The following TNKS variants were observed in gnomAD, a reference collection of about 807,000 sequenced individuals.
TNKS encodes poly [ADP-ribose] polymerase tankyrase-1.
In TNKS, 72 loss-of-function variants were observed where a neutral mutation model predicts 135.8. That is an observed-to-expected ratio of 0.53 (90% CI 0.44 to 0.64). TNKS has a LOEUF of 0.64. Ranked by LOEUF, TNKS falls within the 30% of genes least tolerant of loss-of-function variation. The pLI, the probability that TNKS is intolerant of heterozygous loss-of-function variation, is 0.00. For missense variants in TNKS, 1,769 were observed against 1,674.0 expected, an observed-to-expected ratio of 1.06 and a Z score of -0.99; for synonymous variants, 849 against 649.3, an observed-to-expected ratio of 1.31 and a Z score of -4.68.
intron 17 of TNKS, among the ~76,000 whole-genome samples, chr8:9,746,070 C>T (rs1319528244): frequency 6.6e-6 from 1 of 152,086 alleles, no homozygotes; most frequent in Non-Finnish European, 1.5e-5. Flanking sequence ...GGTAGTCGAG[C>T]AGCAGCATGA....
intron 3 of TNKS, among the ~76,000 whole-genome samples, chr8:9,631,118 AT>A: frequency 6.6e-6 from 1 of 152,342 alleles, no homozygotes; most frequent in East Asian, 1.9e-4. Flanking sequence ...GAAGCCTCAT[AT>A]CTACAAATGT....
chr8:9,649,054 A>G (rs1036302767), intron 3 of TNKS, among the ~76,000 whole-genome samples: 1 of 152,224 alleles, frequency 6.6e-6, no homozygotes, highest in Non-Finnish European at 1.5e-5. Flanking sequence ...AAATTGCTGA[A>G]TGAAATTGTT....
intron 2 of TNKS, among the ~76,000 whole-genome samples, chr8:9,606,824 T>C (rs1488345664): frequency 2.0e-5 from 3 of 152,164 alleles, no homozygotes; most frequent in Admixed American, 1.3e-4. Flanking sequence ...TTTATTCTTG[T>C]TTTAGCAGAT....
chr8:9,619,633 T>A (rs1799787650), intron 3 of TNKS, among the ~76,000 whole-genome samples: 2 of 152,144 alleles, frequency 1.3e-5, no homozygotes, highest in Admixed American at 1.3e-4. Flanking sequence ...TTCATTGCAC[T>A]TCTGTGGAAA....
intron 3 of TNKS, among the ~76,000 whole-genome samples, chr8:9,658,987 A>T (rs1435128177): frequency 6.6e-6 from 1 of 152,224 alleles, no homozygotes; most frequent in Non-Finnish European, 1.5e-5. Flanking sequence ...AGAGACAAAG[A>T]AGGCCCTTAC....
At chr8:9,569,172 A>C (rs1339465979) in intron 1 of TNKS, among the ~76,000 whole-genome samples, 1 of 152,178 alleles carries the variant, frequency 6.6e-6, no homozygotes, top group Non-Finnish European at 1.5e-5. Flanking sequence ...TATCATTGGG[A>C]ACAAATACCG....
chr8:9,673,373 C>T (rs1802390136), intron 3 of TNKS, among the ~76,000 whole-genome samples: 1 of 150,246 alleles, frequency 6.7e-6, no homozygotes, highest in South Asian at 2.1e-4. Flanking sequence ...AATTTTATGA[C>T]ATAAAATTAT....
At position 9,616,893 on chromosome 8, in the gene TNKS, C is replaced by G. The variant is rs892847903; in HGVS notation, c.994+1216C>G. Among the ~76,000 whole-genome samples, 4 of 152,196 alleles carry G rather than the reference C, an allele frequency of 2.6e-5. No individual in the cohort carries two copies. The East Asian group carries it at 7.7e-4, about 29-fold the overall frequency. ...CCTCGGGCCTGCTCAGATTCTACAG[C>G]CTTTCAGTCTCTTAACAAAGCCCTG... On this transcript the variant is annotated intron_variant, in intron 3 of 26. Coordinates refer to ENST00000310430, the MANE Select transcript of TNKS (RefSeq NM_003747.3).
At chr8:9,605,926 A>G (rs1799199947) in intron 2 of TNKS, among the ~76,000 whole-genome samples, 1 of 152,010 alleles carries the variant, frequency 6.6e-6, no homozygotes, top group Non-Finnish European at 1.5e-5. Context: ...ACTTTTGAAG[A>G]ACAGAAGTTC....
chr8:9,718,180 T>G (rs566034813), intron 11 of TNKS, among the ~76,000 whole-genome samples: 1 of 152,296 alleles, frequency 6.6e-6, no homozygotes, highest in South Asian at 2.1e-4. Context: ...TTTTTTTAAT[T>G]GTTGACTTTC....
At chr8:9,728,316 G>C (rs1352363378) in intron 13 of TNKS, among the ~76,000 whole-genome samples, 1 of 152,180 alleles carries the variant, frequency 6.6e-6, no homozygotes, top group Non-Finnish European at 1.5e-5. Flanking sequence ...GCTGCCTGCT[G>C]AATAAAGCAT....
Position 9,734,140 on chromosome 8 carries a change from A to G in TNKS, c.2313+696A>G, listed in dbSNP as rs146424055. Among the ~76,000 whole-genome samples, 441 of 152,284 alleles carry G rather than the reference A, an allele frequency of 2.9e-3. 3 individuals carry two copies. The highest frequency in any genetic ancestry group is 0.01 in the African/African-American group (419 of 41,566). ...CATTCTTATGAATCTTGAGAAAAAC[A>G]CAATATCTGATACTCATTTTTATTA... On this transcript the variant is annotated intron_variant, in intron 15 of 26. Coordinates refer to ENST00000310430, the MANE Select transcript of TNKS (RefSeq NM_003747.3).
intron 5 of TNKS, among the ~76,000 whole-genome samples, chr8:9,683,151 T>C (rs528841691): frequency 1.3e-5 from 2 of 152,164 alleles, no homozygotes; most frequent in African/African-American, 4.8e-5. Flanking sequence ...AGAGTAATTC[T>C]TATTAAATGT....
chr8:9,570,907 T>C (rs1797730663), intron 1 of TNKS, among the ~76,000 whole-genome samples: 1 of 152,168 alleles, frequency 6.6e-6, no homozygotes, highest in South Asian at 2.1e-4. Context: ...AAGTCAAGTT[T>C]GCAGTGAGCT....
chr8:9,624,272 C>T (rs1260329994), intron 3 of TNKS, among the ~76,000 whole-genome samples: 1 of 152,204 alleles, frequency 6.6e-6, no homozygotes, highest in African/African-American at 2.4e-5. Context: ...ACTTCAGCTA[C>T]AACCAAATTG....
At chr8:9,590,978 A>G (rs909438146) in intron 2 of TNKS, among the ~76,000 whole-genome samples, 2 of 152,186 alleles carry the variant, frequency 1.3e-5, no homozygotes, top group African/African-American at 2.4e-5. Flanking sequence ...CTGAGAATCC[A>G]TTGTCGAACC....
intron 2 of TNKS, among the ~76,000 whole-genome samples, chr8:9,614,717 T>G (rs1799576582): frequency 6.6e-6 from 1 of 152,216 alleles, no homozygotes; most frequent in African/African-American, 2.4e-5. Flanking sequence ...TTCATTGATT[T>G]AATCATTGTT....
At chr8:9,717,171 G>C (rs979399474) in intron 11 of TNKS, among the ~76,000 whole-genome samples, 1 of 144,254 alleles carries the variant, frequency 6.9e-6, no homozygotes, top group Non-Finnish European at 1.5e-5. Context: ...CTCAAGTTCA[G>C]CTAGCAAATA....
At chr8:9,765,435 ATTT>A (rs913028935) in intron 23 of TNKS, among the ~76,000 whole-genome samples, 9 of 146,946 alleles carry the variant, frequency 6.1e-5, no homozygotes, top group Non-Finnish European at 1.2e-4. Context: ...CTTTTTACCT[ATTT>A]TTTTTTTTAA....
Sources: gnomAD v4.1 joint callset for allele counts (sites outside exome capture counted in the v4.1 genomes callset) on GRCh38, gnomAD v4.1.1 for gene constraint, MANE v1.5 for transcripts, NCBI Gene and HGNC (gene_info 2026-07-23, HGNC 2026-07-21) for gene names.